PTPRD: variants seen among roughly 807,000 people sequenced by gnomAD.
PTPRD encodes protein tyrosine phosphatase receptor type D, also known as receptor-type tyrosine-protein phosphatase delta.
PTPRD carries 34 observed loss-of-function variants against 214.5 expected under a neutral mutation model. That is an observed-to-expected ratio of 0.16 (90% CI 0.12 to 0.21). The LOEUF (loss-of-function observed/expected upper bound fraction) is 0.21, where lower values mean the gene tolerates loss of function less well. PTPRD is among the 10% of genes least tolerant of loss of function. The pLI is 1.00. For missense variants in PTPRD, 2,545 were observed against 2,398.7 expected, an observed-to-expected ratio of 1.06 and a Z score of -1.27; for synonymous variants, 1,128 against 845.7, an observed-to-expected ratio of 1.33 and a Z score of -5.79.
chr9:9,408,089 A>T (rs1290928251), intron 8 of PTPRD, among the ~76,000 whole-genome samples: 1 of 151,862 alleles, frequency 6.6e-6, no homozygotes, highest in Non-Finnish European at 1.5e-5. Flanking sequence ...AGAAGCTATG[A>T]AAGTAACATT....
intron 3 of PTPRD, among the ~76,000 whole-genome samples, chr9:10,061,466 C>A (rs1374725485): frequency 6.6e-6 from 1 of 152,080 alleles, no homozygotes; most frequent in Admixed American, 6.6e-5. Context: ...ACACACATCT[C>A]ATAATTGTCT....
At chr9:8,599,261 C>T (rs2094662292) in intron 14 of PTPRD, among the ~76,000 whole-genome samples, 1 of 152,114 alleles carries the variant, frequency 6.6e-6, no homozygotes, top group Non-Finnish European at 1.5e-5. Flanking sequence ...AACCTCTTTC[C>T]TTTATAAATT....
rs940741377 is a variant in PTPRD, at chr9:9,701,549, T to C, written c.-287+32984A>G. Among the ~76,000 whole-genome samples the C allele has an allele frequency of 4.6e-5, 7 of 152,294 alleles. No homozygotes were observed. In the East Asian group the frequency reaches 5.8e-4, roughly 13 times the overall value. The stretch of plus-strand genomic sequence containing the variant: ...GTTGTATTTTGTATTTGGGAAGGCA[T>C]TGATGACCATTTTGCATTTAGCAAG... On this transcript the variant is annotated intron_variant, in intron 7 of 45. Coordinates refer to ENST00000381196, the MANE Select transcript of PTPRD (RefSeq NM_002839.4).
chr9:9,932,313 A>T (rs1377043947), intron 5 of PTPRD, among the ~76,000 whole-genome samples: 1 of 145,308 alleles, frequency 6.9e-6, no homozygotes, highest in African/African-American at 2.7e-5. Flanking sequence ...AAAGGCAAAG[A>T]AGTTGAAAAC....
At chr9:10,036,871 A>T (rs1026998459) in intron 3 of PTPRD, among the ~76,000 whole-genome samples, 67 of 116,638 alleles carry the variant, frequency 5.7e-4, no homozygotes, top group African/African-American at 2.3e-3. Flanking sequence ...CCTGAGCCAA[A>T]TTTTTATTAT....
chr9:9,288,868 A>T (rs1950301520), intron 9 of PTPRD, among the ~76,000 whole-genome samples: 1 of 151,788 alleles, frequency 6.6e-6, no homozygotes, highest in African/African-American at 2.4e-5. Flanking sequence ...ATGGTTTTAT[A>T]AGGGACTTTT....
rs528339469 is a variant in PTPRD, at chr9:10,058,043, T to C, written c.-544-24253A>G. 3.3e-5 allele frequency among the ~76,000 whole-genome samples: 5 copies of C among 152,184 alleles called. No homozygotes were observed. The South Asian group carries it at 8.3e-4, about 25-fold the overall frequency. ...GGAGAGTATTCTTAAAATGCCAGTA[T>C]ACGGGTATGTGTGTAGTGCTGAGAA... On this transcript the variant is annotated intron_variant, in intron 3 of 45. Transcript: ENST00000381196.
chr9:9,442,421 G>A (rs1462876642), intron 8 of PTPRD: 1 of 152,188 alleles, frequency 6.6e-6, no homozygotes, highest in African/African-American at 2.4e-5. Context: ...CTGTAGTACT[G>A]ATGTCTGGGC....
intron 12 of PTPRD, among the ~76,000 whole-genome samples, chr9:8,712,130 G>A (rs892439834): frequency 6.6e-6 from 1 of 152,142 alleles, no homozygotes; most frequent in Non-Finnish European, 1.5e-5. Context: ...GGGAGGGAGG[G>A]AGATGCAATG....
At chr9:8,837,421 T>G (rs2097454163) in intron 11 of PTPRD, among the ~76,000 whole-genome samples, 2 of 152,222 alleles carry the variant, frequency 1.3e-5, no homozygotes, top group Non-Finnish European at 2.9e-5. Context: ...ATTTTGGAAT[T>G]ACAAAAACTA....
intron 7 of PTPRD, among the ~76,000 whole-genome samples, chr9:9,596,132 C>T (rs190840848): frequency 6.6e-6 from 1 of 151,920 alleles, no homozygotes; most frequent in African/African-American, 2.4e-5. Flanking sequence ...CCCATGGATA[C>T]ACTATTTATC....
chr9:9,934,360 T>A, intron 5 of PTPRD, among the ~76,000 whole-genome samples: 1 of 147,494 alleles, frequency 6.8e-6, no homozygotes, highest in African/African-American at 2.5e-5. Flanking sequence ...GAGAGAAGAA[T>A]CAAATAGATG....
chr9:9,704,197 A>G (rs964688245), intron 7 of PTPRD, among the ~76,000 whole-genome samples: 1 of 152,184 alleles, frequency 6.6e-6, no homozygotes, highest in Non-Finnish European at 1.5e-5. Context: ...CAGCACATCT[A>G]CATACATTTT....
intron 9 of PTPRD, among the ~76,000 whole-genome samples, chr9:9,357,048 T>C (rs943440244): frequency 1.3e-5 from 2 of 151,324 alleles, no homozygotes; most frequent in African/African-American, 2.4e-5. Flanking sequence ...TCATTCCTTC[T>C]CTTCATTTAT....
rs2098122679 is a variant in PTPRD, at chr9:8,702,937, A to G, written c.64+30843T>C. Among the ~76,000 whole-genome samples the G allele has an allele frequency of 3.3e-5, 5 of 152,192 alleles. 1 individual carries two copies. The South Asian group carries it at 1.0e-3, about 32-fold the overall frequency. On this transcript the variant is annotated intron_variant, in intron 12 of 45. Coordinates refer to ENST00000381196, the MANE Select transcript of PTPRD (RefSeq NM_002839.4). ...ATATACAATTTAGTTCAGCCTAAAA[A>G]CAAGAGGAAGGAGGACATTTTGGGG...
At chr9:9,690,749 A>C (rs2154403473) in intron 7 of PTPRD, among the ~76,000 whole-genome samples, 1 of 151,938 alleles carries the variant, frequency 6.6e-6, no homozygotes, top group African/African-American at 2.4e-5. Flanking sequence ...CACTTTCAAC[A>C]CCTTTGTTGA....
At chr9:10,032,686 A>T (rs924567043) in intron 4 of PTPRD, among the ~76,000 whole-genome samples, 4 of 152,144 alleles carry the variant, frequency 2.6e-5, no homozygotes, top group Non-Finnish European at 5.9e-5. Flanking sequence ...TTTTTGAAGA[A>T]TCATTTAGTG....
intron 14 of PTPRD, among the ~76,000 whole-genome samples, chr9:8,602,143 C>T (rs2094905188): frequency 6.6e-6 from 1 of 152,126 alleles, no homozygotes; most frequent in Non-Finnish European, 1.5e-5. Context: ...GGCACAATGT[C>T]CAATAAACTG....
chr9:9,789,976 T>G (rs987285611), intron 5 of PTPRD, among the ~76,000 whole-genome samples: 4 of 152,102 alleles, frequency 2.6e-5, no homozygotes, highest in Admixed American at 2.6e-4. Context: ...AAATATTTTA[T>G]TTATCTTTGT....
Sources: allele counts gnomAD v4.1 joint callset (sites outside exome capture counted in the v4.1 genomes callset), GRCh38; gene constraint gnomAD v4.1.1; transcripts MANE v1.5; gene names NCBI Gene and HGNC (gene_info 2026-07-23, HGNC 2026-07-21).